The following PTPN13 variants were observed in gnomAD, a reference collection of about 807,000 sequenced individuals.
The protein encoded by PTPN13 is protein tyrosine phosphatase non-receptor type 13, also known as tyrosine-protein phosphatase non-receptor type 13.
In PTPN13, 191 loss-of-function variants were observed where a neutral mutation model predicts 284.0. That is an observed-to-expected ratio of 0.67 (90% CI 0.60 to 0.76). PTPN13 has a LOEUF of 0.76. Among genes scored for constraint, PTPN13 ranks in the 30% least tolerant of loss-of-function variants. The pLI, the probability that PTPN13 is intolerant of heterozygous loss-of-function variation, is 0.00. For missense variants in PTPN13, 2,797 were observed against 2,939.9 expected (o/e 0.95, Z 1.12); for synonymous variants, 986 against 1,022.3 (o/e 0.96, Z 0.68).
chr4:86,613,069 A>G (rs1475451836), intron 1 of PTPN13, among the ~76,000 whole-genome samples: 1 of 152,222 alleles, frequency 6.6e-6, no homozygotes, highest in Admixed American at 6.5e-5. Context: ...AATGTATCTG[A>G]TACTTTTCTA....
chr4:86,701,581 C>T lies in PTPN13; in HGVS notation c.975C>T (p.His325=), dbSNP rs1731167940. 6.2e-7 allele frequency: 1 copy of T among 1,613,682 alleles called. No individual in the cohort carries two copies. The highest frequency in any genetic ancestry group is 8.5e-7 in the Non-Finnish European group (1 of 1,179,786). Residue 325 remains histidine, a synonymous_variant, in exon 7 of 48, where the codon CAC becomes CAT. Coordinates refer to ENST00000411767, the MANE Select transcript of PTPN13 (RefSeq NM_080683.3). ...SGETATYRRC[H]PEAVTVRTST... ...AGACTGCCACATATCGTCGTTGTCA[C>T]CCTGAGGCAGTAACAGTGCGGACTT...
intron 10 of PTPN13, among the ~76,000 whole-genome samples, chr4:86,730,969 G>T (rs1301551256): frequency 6.6e-6 from 1 of 152,046 alleles, no homozygotes; most frequent in Non-Finnish European, 1.5e-5. Context: ...TTCTATTCTT[G>T]TTTAAAATGT....
intron 5 of PTPN13, among the ~76,000 whole-genome samples, chr4:86,693,182 T>A (rs1730220411): frequency 6.6e-6 from 1 of 151,774 alleles, no homozygotes; most frequent in Admixed American, 6.6e-5. Context: ...TTCATAGTTA[T>A]AATCAAGAGA....
chr4:86,642,448 TC>T (rs66696730), intron 2 of PTPN13, among the ~76,000 whole-genome samples: 55,859 of 75,162 alleles, frequency 0.74, 21,226 homozygotes, highest in South Asian at 0.86. Context: ...TTCTTCTTCT[TC>T]TTTTTTTTTT....
intron 3 of PTPN13, among the ~76,000 whole-genome samples, chr4:86,676,561 C>A (rs1728293948): frequency 6.6e-6 from 1 of 152,272 alleles, no homozygotes; most frequent in East Asian, 1.9e-4. Flanking sequence ...TATTTGCACA[C>A]CCATGTTCAT....
intron 6 of PTPN13, among the ~76,000 whole-genome samples, chr4:86,700,942 T>A (rs1487003683): frequency 6.6e-6 from 1 of 152,242 alleles, no homozygotes; most frequent in Admixed American, 6.5e-5. Flanking sequence ...AACTGGATAG[T>A]TGTCTGCTTT....
At chr4:86,683,900 T>G (rs1729165455) in intron 3 of PTPN13, among the ~76,000 whole-genome samples, 1 of 152,172 alleles carries the variant, frequency 6.6e-6, no homozygotes, top group Non-Finnish European at 1.5e-5. Context: ...ATGAAAAATG[T>G]TTTTCATATA....
intron 2 of PTPN13, among the ~76,000 whole-genome samples, chr4:86,663,389 GTAA>G (rs1382351263): frequency 6.6e-6 from 1 of 152,206 alleles, no homozygotes; most frequent in Non-Finnish European, 1.5e-5. Context: ...TGATCTAATG[GTAA>G]TAAACTGGGG....
At chr4:86,663,755 A>T (rs1565266489) in intron 2 of PTPN13, among the ~76,000 whole-genome samples, 2 of 152,190 alleles carry the variant, frequency 1.3e-5, no homozygotes, top group African/African-American at 2.4e-5. Flanking sequence ...GAAATTACTG[A>T]TAGTTATTCT....
intron 42 of PTPN13, 82 bp downstream of exon 42, chr4:86,799,286 A>T: frequency 2.6e-6 from 2 of 776,164 alleles, no homozygotes; most frequent in South Asian, 2.0e-5. Context: ...CTATATGGAT[A>T]TGCTGTTTTA....
Position 86,762,992 on chromosome 4 carries a change from C to G in PTPN13, c.3819C>G (p.Thr1273=). The change falls in exon 24 of 48, where the codon ACC becomes ACG. Residue 1273 remains threonine (T), a synonymous_variant. Coordinates refer to ENST00000411767, the MANE Select transcript of PTPN13 (RefSeq NM_080683.3). ...TTGCCAGCCATTTAGGTGACCAAAC[C>G]TGGCAGGAATCACAGCATGGCAGCC... is the stretch of plus-strand genomic sequence containing the variant. ...GFFASHLGDQ[T]WQESQHGSPS... 2 of 1,613,864 alleles carry G rather than the reference C, an allele frequency of 1.2e-6. No homozygotes were observed. Among genetic ancestry groups the G allele is most frequent in the Non-Finnish European group, 1.7e-6 (2 of 1,179,844 alleles).
At chr4:86,724,503 A>C (rs1578502037) in intron 10 of PTPN13, among the ~76,000 whole-genome samples, 1 of 152,316 alleles carries the variant, frequency 6.6e-6, no homozygotes, top group Middle Eastern at 3.4e-3. Context: ...TTTTTTAGGC[A>C]GTCAATTTCT....
chr4:86,799,520 G>A (rs1052836651), intron 42 of PTPN13, among the ~76,000 whole-genome samples: 5 of 151,734 alleles, frequency 3.3e-5, no homozygotes, highest in African/African-American at 1.2e-4. Context: ...AGTAGAGACA[G>A]GGTTTCACCA....
chr4:86,798,060 C>T (rs1743557011), intron 41 of PTPN13, among the ~76,000 whole-genome samples: 1 of 152,174 alleles, frequency 6.6e-6, no homozygotes, highest in Non-Finnish European at 1.5e-5. Flanking sequence ...CATATCAATG[C>T]AGTCTTTTTT....
Position 86,639,057 on chromosome 4 carries a change from C to T in PTPN13, c.115+3686C>T, listed in dbSNP as rs906264305. Among the ~76,000 whole-genome samples the T allele has an allele frequency of 5.2e-4, 79 of 152,178 alleles. No homozygotes were observed. The Middle Eastern group carries it at 0.017, about 33-fold the overall frequency. ...TTCTCAAAAGAAGACATTTACGCAG[C>T]CAAAAGACACATGAAAAAATGCTCA... On this transcript the variant is annotated intron_variant, in intron 2 of 47. Transcript: ENST00000411767.
chr4:86,755,297 G>A lies in PTPN13; in HGVS notation c.3223+2232G>A, dbSNP rs530756801. 5.9e-5 allele frequency among the ~76,000 whole-genome samples: 9 copies of A among 151,620 alleles called. No homozygotes were observed. The East Asian group carries it at 1.4e-3, about 23-fold the overall frequency. ...TTCTAATCTCACACTTTGAAAAGGT[G>A]ATATGGAAAGGATTCTAATCCCTTG... On this transcript the variant is annotated intron_variant, in intron 20 of 47. Coordinates refer to ENST00000411767, the MANE Select transcript of PTPN13 (RefSeq NM_080683.3).
At chr4:86,700,825 T>C (rs932926122) in intron 6 of PTPN13, among the ~76,000 whole-genome samples, 3 of 152,218 alleles carry the variant, frequency 2.0e-5, no homozygotes, top group Admixed American at 2.0e-4. Flanking sequence ...ACTAGGGCTT[T>C]ATAGTGATAT....
chr4:86,791,631 C>T (rs1050392482), intron 40 of PTPN13, among the ~76,000 whole-genome samples: 1 of 152,156 alleles, frequency 6.6e-6, no homozygotes, highest in Non-Finnish European at 1.5e-5. Context: ...CAGGCGGGTG[C>T]CCCTCTGGGA....
chr4:86,788,819 A>C (rs546682824), intron 40 of PTPN13, among the ~76,000 whole-genome samples: 1 of 152,320 alleles, frequency 6.6e-6, no homozygotes, highest in South Asian at 2.1e-4. Context: ...GCTTGAGGGA[A>C]GTACACATGT....
Sources: gnomAD v4.1 joint callset for allele counts (sites outside exome capture counted in the v4.1 genomes callset) on GRCh38, gnomAD v4.1.1 for gene constraint, MANE v1.5 for transcripts, NCBI Gene and HGNC (gene_info 2026-07-23, HGNC 2026-07-21) for gene names.